Variants in PRRC2C observed in about 807,000 individuals in gnomAD.
PRRC2C encodes the protein protein PRRC2C.
In PRRC2C, 72 loss-of-function variants were observed where a neutral mutation model predicts 317.2. The observed-to-expected ratio is 0.23, with a 90% confidence interval of 0.19 to 0.28. The LOEUF is 0.28. Ranked by LOEUF, PRRC2C falls within the 10% of genes least tolerant of loss-of-function variation. The probability of loss-of-function intolerance (pLI) is 1.00; values close to 1 mark genes in which losing one functional copy is unlikely to be tolerated. For missense variants in PRRC2C, 3,074 were observed against 3,459.7 expected (o/e 0.89, Z 2.80); for synonymous variants, 1,296 against 1,205.9 (o/e 1.07, Z -1.55).
At chr1:171,486,129 T>C (rs1376800674) in intron 1 of PRRC2C, among the ~76,000 whole-genome samples, 1 of 117,968 alleles carries the variant, frequency 8.5e-6, no homozygotes, top group Non-Finnish European at 1.9e-5. Context: ...TTTTTTTTTT[T>C]AGTGTCGGGT....
chr1:171,503,482 C>A (rs1669565227), intron 1 of PRRC2C, among the ~76,000 whole-genome samples: 1 of 151,752 alleles, frequency 6.6e-6, no homozygotes, highest in African/African-American at 2.4e-5. Flanking sequence ...CAGGATCGCG[C>A]CACTGCACTC....
rs748903010 is a variant in PRRC2C, at chr1:171,577,386, C to G, written c.6956-48C>G. 6 of 1,468,708 alleles carry G rather than the reference C, an allele frequency of 4.1e-6. No homozygotes were observed. The South Asian group carries it at 4.8e-5, about 12-fold the overall frequency. The allele number at this position is 1,468,708 out of a possible 1,614,324, so 91.0% of individuals were successfully genotyped here. ...GTTGGTACTGTGAACAATAGCAACA[C>G]TTTTAAATATGCTCTATTTTCCCCT... On this transcript the variant is annotated intron_variant, in intron 25 of 34. Coordinates refer to ENST00000647382, the MANE Select transcript of PRRC2C (RefSeq NM_001387844.1).
At chr1:171,558,947 T>C (rs1682007915) in intron 19 of PRRC2C, among the ~76,000 whole-genome samples, 1 of 152,276 alleles carries the variant, frequency 6.6e-6, no homozygotes, top group Non-Finnish European at 1.5e-5. Context: ...GTCTTATTGC[T>C]GATACAAAGT....
chr1:171,507,036 C>T (rs1413765193), intron 1 of PRRC2C, among the ~76,000 whole-genome samples: 6 of 152,062 alleles, frequency 3.9e-5, no homozygotes, highest in African/African-American at 1.2e-4. Context: ...CCCCACCCCC[C>T]TTGATTCTGG....
At chr1:171,491,572 T>A (rs1391096365) in intron 1 of PRRC2C, among the ~76,000 whole-genome samples, 1 of 152,168 alleles carries the variant, frequency 6.6e-6, no homozygotes, top group Non-Finnish European at 1.5e-5. Flanking sequence ...AAGGATACAT[T>A]TAGAACAACA....
In PRRC2C at chr1:171,566,757, AAGG is replaced by A; in HGVS notation, c.6475_6477del (p.Glu2159del). 6.2e-7 allele frequency: 1 copy of A among 1,613,826 alleles called. No homozygotes were observed. Among genetic ancestry groups the A allele is most frequent in the Non-Finnish European group, 8.5e-7 (1 of 1,179,810 alleles). The stretch of plus-strand genomic sequence containing the variant: ...CAGAAGCACAGATCCTGTCACGACA[AAGG>A]AGACTAAAGCAGTCTCAGAAATGTC... On this transcript the variant is annotated inframe_deletion, in exon 22 of 35. Transcript: ENST00000647382.
At position 171,511,005 on chromosome 1, in the gene PRRC2C, A is replaced by T. The variant is rs184139536; in HGVS notation, c.-57-1027A>T. On this transcript the variant is annotated intron_variant, in intron 1 of 34. Transcript: ENST00000647382. Reference sequence around the variant, plus strand: ...TCTGCTGATTCTGTAATTGACAAATATAAAACTAACGGATGAAACGAAATT... The same window carrying T: ...TCTGCTGATTCTGTAATTGACAAATTTAAAACTAACGGATGAAACGAAATT... The T allele has an allele frequency of 2.2e-3, 334 of 152,340 alleles. 1 individual carries two copies. Among genetic ancestry groups the T allele is most frequent in the African/African-American group, 7.8e-3 (323 of 41,582 alleles). The allele number at this position is 152,340 out of a possible 1,614,324, so 9.4% of individuals were successfully genotyped here.
chr1:171,512,208 A>G lies in PRRC2C; in HGVS notation c.112+8A>G. On this transcript the variant is annotated splice_region_variant and intron_variant, in intron 2 of 34. Transcript: ENST00000647382. ...AAACACAGAAAACCACAGGTGAGTAAAATCAAGTGACACTTATGTTTTTCA... is the reference window on the plus strand; with the variant it reads ...AAACACAGAAAACCACAGGTGAGTAGAATCAAGTGACACTTATGTTTTTCA... 1 of 1,497,758 alleles carries G rather than the reference A, an allele frequency of 6.7e-7. No individual in the cohort carries two copies. The highest frequency in any genetic ancestry group is 9.1e-7 in the Non-Finnish European group (1 of 1,094,846). 92.8% of individuals were successfully genotyped at this position (1,497,758 alleles called of 1,614,324 possible). A position where few individuals can be genotyped will look rare whatever the true frequency, so the allele number is the denominator to read the frequency against.
At chr1:171,505,409 A>G (rs1225933952) in intron 1 of PRRC2C, among the ~76,000 whole-genome samples, 1 of 152,156 alleles carries the variant, frequency 6.6e-6, no homozygotes. Flanking sequence ...TAGAAATACA[A>G]TTGAATTTTG....
At position 171,557,371 on chromosome 1, in the gene PRRC2C, G is replaced by A. The variant is rs534404643; in HGVS notation, c.5259G>A (p.Ser1753=). ...QSSASVPPLA[S]APLPPSTSAS... is the part of the protein sequence containing the mutation. ...CAGCCTCAGTTCCACCTCTAGCTTC[G>A]GCTCCACTTCCACCTTCAACCTCAG... Residue 1753 remains serine, a synonymous_variant, in exon 19 of 35, where the codon TCG becomes TCA. Transcript: ENST00000647382. The A allele has an allele frequency of 6.6e-5, 103 of 1,551,706 alleles. No homozygotes were observed. The highest frequency in any genetic ancestry group is 2.4e-4 in the South Asian group (20 of 84,058).
intron 20 of PRRC2C, among the ~76,000 whole-genome samples, chr1:171,564,540 G>A (rs557166166): frequency 6.6e-6 from 1 of 152,146 alleles, no homozygotes; most frequent in Non-Finnish European, 1.5e-5. Flanking sequence ...TTATTCTAAT[G>A]TGCATCAGTA....
At chr1:171,498,918 C>T (rs892487071) in intron 1 of PRRC2C, among the ~76,000 whole-genome samples, 26 of 152,196 alleles carry the variant, frequency 1.7e-4, no homozygotes, top group African/African-American at 6.3e-4. Flanking sequence ...CCTTCCACCT[C>T]AGCCTCCTGA....
intron 2 of PRRC2C, 143 bp from the exon 3 acceptor site, chr1:171,512,852 A>C: frequency 1.4e-6 from 1 of 730,410 alleles, no homozygotes; most frequent in African/African-American, 1.8e-5. Flanking sequence ...TGTGTAGCTT[A>C]GTTTTAAAAT....
rs998093675 is a variant in PRRC2C, at chr1:171,575,052, T to C, written c.6879T>C (p.Ala2293=). The C allele has an allele frequency of 1.9e-6, 3 of 1,613,832 alleles. No homozygotes were observed. Among genetic ancestry groups the C allele is most frequent in the African/African-American group, 1.3e-5 (1 of 74,942 alleles). Residue 2293 remains alanine, a synonymous_variant, in exon 25 of 35, where the codon GCT becomes GCC. Transcript: ENST00000647382. ...GTAGTGCCAGTGGACCAAGCACTGC[T>C]AATTACAATTCGTTCTCAAGTGCAT... ...VSSSASGPST[A]NYNSFSSASM... is the part of the protein sequence containing the mutation.
rs1194571246 is a variant in PRRC2C, at chr1:171,571,393, C to T, written c.6725C>T (p.Pro2242Leu). The T allele has an allele frequency of 1.9e-6, 3 of 1,609,480 alleles. No individual in the cohort carries two copies. The Admixed American group carries it at 5.0e-5, about 27-fold the overall frequency. The change falls in exon 24 of 35, where the codon CCT (proline) becomes CTT (leucine). Residue 2242 changes from proline (P) to leucine (L), a missense_variant. Around this residue, in one of 11 missense-constraint regions of PRRC2C, gnomAD observed 640 missense variants for 676.1 expected, o/e 0.95. Coordinates refer to ENST00000647382, the MANE Select transcript of PRRC2C (RefSeq NM_001387844.1). ...CAGAGCTCCAGCCTAACTTCAGTTC[C>T]TCCCACTACTTTCAGCCTCACCTTC... ...IQQSSSLTSV[P>L]PTTFSLTFKM...
chr1:171,518,199 A>G (rs7514441), intron 6 of PRRC2C, among the ~76,000 whole-genome samples: 122,187 of 152,194 alleles, frequency 0.8, 49,184 homozygotes, highest in Middle Eastern at 0.9. Flanking sequence ...ACCCATAGAT[A>G]ATGATCTAAT....
chr1:171,514,579 G>A lies in PRRC2C; in HGVS notation c.334G>A (p.Ala112Thr), dbSNP rs148272649. 20 of 1,560,760 alleles carry A rather than the reference G, an allele frequency of 1.3e-5. No homozygotes were observed. Among genetic ancestry groups the A allele is most frequent in the South Asian group, 8.3e-5 (7 of 84,480 alleles). Residue 112 changes from alanine (A) to threonine (T), a missense_variant, in exon 4 of 35, where the codon GCT (alanine) becomes ACT (threonine). This residue lies in a region of PRRC2C where 237 missense variants were observed against 199.5 expected (regional missense o/e 1.19). Coordinates refer to ENST00000647382, the MANE Select transcript of PRRC2C (RefSeq NM_001387844.1). ...AGCACAGCCAAAACCTGGGGTTGCA[G>A]CTCCCCCAGAAGTAGCACCTGCTCC... is the stretch of plus-strand genomic sequence containing the variant. ...PPAQPKPGVA[A>T]PPEVAPAPKS...
chr1:171,557,459 A>G lies in PRRC2C; in HGVS notation c.5347A>G (p.Thr1783Ala), dbSNP rs867352775. 2 of 1,543,162 alleles carry G rather than the reference A, an allele frequency of 1.3e-6. No individual in the cohort carries two copies. The highest frequency in any genetic ancestry group is 1.8e-6 in the Non-Finnish European group (2 of 1,141,342). The change falls in exon 19 of 35, where the codon ACC becomes GCC. Residue 1783 changes from threonine (T) to alanine (A), a missense_variant. Physicochemically the swap from Thr to Ala is moderately conservative, Grantham distance 58. Transcript: ENST00000647382. ...AACCTTAACTCCAGTTCCAGCCTCAACCTCAGCTCCGGTTCCAGCCTCAAC... is the reference window on the plus strand; with the variant it reads ...AACCTTAACTCCAGTTCCAGCCTCAGCCTCAGCTCCGGTTCCAGCCTCAAC... ...PATLTPVPAS[T>A]SAPVPASTLA...
chr1:171,507,613 CA>C (rs999836052), intron 1 of PRRC2C, among the ~76,000 whole-genome samples: 5 of 149,474 alleles, frequency 3.3e-5, no homozygotes, highest in African/African-American at 4.9e-5. Context: ...GACTCTGTCT[CA>C]AAAAAAAAAT....
Sources: gnomAD v4.1 joint callset for allele counts (sites outside exome capture counted in the v4.1 genomes callset) on GRCh38, gnomAD v4.1.1 for gene constraint, gnomAD v4.1.1 regional missense constraint, MANE v1.5 for transcripts, NCBI Gene and HGNC (gene_info 2026-07-23, HGNC 2026-07-21) for gene names.